The following RBFOX1 variants were observed in gnomAD, a reference collection of about 807,000 sequenced individuals.
RBFOX1 encodes RNA binding fox-1 homolog 1.
RBFOX1 carries 8 observed loss-of-function variants against 57.7 expected under a neutral mutation model. The observed-to-expected ratio is 0.14, with a 90% CI of 0.08 to 0.25. The LOEUF (loss-of-function observed/expected upper bound fraction) is 0.25, where lower values mean the gene tolerates loss of function less well. Among genes scored for constraint, RBFOX1 ranks in the 10% least tolerant of loss-of-function variants. The pLI is 1.00. For missense variants in RBFOX1, 611 were observed against 548.5 expected (o/e 1.11, Z -1.14); for synonymous variants, 326 against 222.4 (o/e 1.47, Z -4.15).
rs144110080 is a variant in RBFOX1, at chr16:6,366,298, T to A, written c.-64+49241T>A. On this transcript the variant is annotated intron_variant, in intron 2 of 15. Transcript: ENST00000550418. ...CTTGCTTTTGACAGATGTTCTAAAC[T>A]CACCATACCTTTTGGATATTGAACT... 9.5e-4 allele frequency among the ~76,000 whole-genome samples: 144 copies of A among 152,322 alleles called. 1 individual carries two copies. In the East Asian group the frequency reaches 0.024, roughly 26 times the overall value.
At chr16:6,129,233 TA>T (rs2096611998) in intron 1 of RBFOX1, among the ~76,000 whole-genome samples, 1 of 152,160 alleles carries the variant, frequency 6.6e-6, no homozygotes, top group East Asian at 1.9e-4. Flanking sequence ...GAAATGACTT[TA>T]AAACCACAAT....
chr16:5,906,443 T>A (rs1483440049), intron 4 of RBFOX1, among the ~76,000 whole-genome samples: 1 of 152,164 alleles, frequency 6.6e-6, no homozygotes. Flanking sequence ...ACGGAACAGA[T>A]CCTGCTTCAC....
intron 4 of RBFOX1, among the ~76,000 whole-genome samples, chr16:7,387,735 A>T (rs1480812588): frequency 1.3e-5 from 2 of 152,026 alleles, no homozygotes; most frequent in Non-Finnish European, 2.9e-5. Flanking sequence ...TCCTGCGTCA[A>T]CTCCAGGCCT....
chr16:6,752,118 C>T (rs370080774), intron 3 of RBFOX1, among the ~76,000 whole-genome samples: 1 of 152,102 alleles, frequency 6.6e-6, no homozygotes, highest in African/African-American at 2.4e-5. Flanking sequence ...CTGCATGTAC[C>T]ATAAAAACGA....
intron 2 of RBFOX1, among the ~76,000 whole-genome samples, chr16:6,417,126 C>G (rs1481423268): frequency 6.6e-6 from 1 of 152,124 alleles, no homozygotes; most frequent in Admixed American, 6.5e-5. Flanking sequence ...ATTCTCCTGC[C>G]TCAGCCTCCC....
intron 3 of RBFOX1, among the ~76,000 whole-genome samples, chr16:6,932,522 A>G (rs2076728717): frequency 6.6e-6 from 1 of 152,118 alleles, no homozygotes; most frequent in Non-Finnish European, 1.5e-5. Flanking sequence ...CCTTAGGAGG[A>G]TCTGCTTCCA....
rs1225538161 is a variant in RBFOX1 at position 7,029,046 on chromosome 16, CTATATATATATATATATATA to C, written c.-15-22994_-15-22975del. On this transcript the variant is annotated intron_variant, in intron 3 of 15. Transcript: ENST00000550418. The stretch of plus-strand genomic sequence containing the variant: ...TAAGCATAAAACAGAAAAAAAAAAG[CTATATATATATATATATATA>C]TATATATATATATATACACACACAC... 2.2e-4 allele frequency among the ~76,000 whole-genome samples: 10 copies of C among 45,216 alleles called. 1 individual carries two copies. Among genetic ancestry groups the C allele is most frequent in the African/African-American group, 1.0e-3 (7 of 6,872 alleles). The allele number at this position is 45,216 out of a possible 152,430, so 29.7% of individuals were successfully genotyped here. A position where few individuals can be genotyped will look rare whatever the true frequency, so the allele number is the denominator to read the frequency against.
intron 4 of RBFOX1, among the ~76,000 whole-genome samples, chr16:5,927,022 CTTTA>C (rs1013235550): frequency 3.3e-5 from 5 of 152,302 alleles, no homozygotes; most frequent in Admixed American, 2.6e-4. Context: ...CCACAAACCT[CTTTA>C]TTTATTTCTG....
chr16:6,988,066 C>T (rs375857853), intron 3 of RBFOX1, among the ~76,000 whole-genome samples: 1 of 152,140 alleles, frequency 6.6e-6, no homozygotes, highest in South Asian at 2.1e-4. Flanking sequence ...CCACATTCCA[C>T]AGCCAGTAAA....
At chr16:7,654,022 G>A in intron 12 of RBFOX1, 75 bp downstream of exon 12, 1 of 1,416,848 alleles carries the variant, frequency 7.1e-7, no homozygotes, top group Non-Finnish European at 9.2e-7. Flanking sequence ...CTGTTTGCGA[G>A]CGCATGATGG....
At chr16:6,241,014 C>T (rs950219316) in intron 1 of RBFOX1, among the ~76,000 whole-genome samples, 5 of 152,152 alleles carry the variant, frequency 3.3e-5, no homozygotes, top group Admixed American at 2.6e-4. Flanking sequence ...CTGATCAATA[C>T]TTCGCATTCA....
chr16:7,386,475 G>A (rs1035440571), intron 4 of RBFOX1, among the ~76,000 whole-genome samples: 15 of 151,376 alleles, frequency 9.9e-5, no homozygotes, highest in East Asian at 1.9e-4. Context: ...AACATGTGGC[G>A]TTTGATTTTC....
At chr16:7,341,078 CT>C (rs1183833391) in intron 4 of RBFOX1, among the ~76,000 whole-genome samples, 1 of 151,974 alleles carries the variant, frequency 6.6e-6, no homozygotes, top group Non-Finnish European at 1.5e-5. Context: ...TGGGTAAGTG[CT>C]TTTCCTGGGT....
At chr16:6,364,083 G>T (rs1396729566) in intron 2 of RBFOX1, among the ~76,000 whole-genome samples, 1 of 152,232 alleles carries the variant, frequency 6.6e-6, no homozygotes, top group Non-Finnish European at 1.5e-5. Context: ...GGAAGGGGAA[G>T]AAAGGTTTAG....
intron 4 of RBFOX1, among the ~76,000 whole-genome samples, chr16:7,196,866 G>A (rs2086831009): frequency 6.6e-6 from 1 of 152,146 alleles, no homozygotes; most frequent in Non-Finnish European, 1.5e-5. Flanking sequence ...AAAAGGAAAT[G>A]GAATTCTGAG....
chr16:7,643,310 G>A (rs2063161263), intron 11 of RBFOX1, among the ~76,000 whole-genome samples: 1 of 152,128 alleles, frequency 6.6e-6, no homozygotes, highest in Admixed American at 6.5e-5. Context: ...CTCATTACAT[G>A]TAATTTTATT....
chr16:6,260,947 A>T (rs2097698229), intron 1 of RBFOX1, among the ~76,000 whole-genome samples: 1 of 152,192 alleles, frequency 6.6e-6, no homozygotes, highest in African/African-American at 2.4e-5. Context: ...AATGTTGCTG[A>T]GAAGGAGAGT....
intron 2 of RBFOX1, among the ~76,000 whole-genome samples, chr16:6,599,725 C>G (rs182185439): frequency 5.3e-5 from 8 of 152,296 alleles, no homozygotes; most frequent in Non-Finnish European, 7.4e-5. Flanking sequence ...TGTTTCCCAT[C>G]CCAGTGCTCA....
chr16:6,023,912 A>G (rs1445847914), intron 1 of RBFOX1, among the ~76,000 whole-genome samples: 1 of 152,258 alleles, frequency 6.6e-6, no homozygotes, highest in East Asian at 1.9e-4. Flanking sequence ...AACTTTAATT[A>G]AAGAATCAAT....
Sources: gnomAD v4.1 joint callset for allele counts (sites outside exome capture counted in the v4.1 genomes callset) on GRCh38, gnomAD v4.1.1 for gene constraint, MANE v1.5 for transcripts, NCBI Gene and HGNC (gene_info 2026-07-23, HGNC 2026-07-21) for gene names.